PLCXD1: variants seen among roughly 807,000 people sequenced by gnomAD.
PLCXD1 encodes the protein phosphatidylinositol specific phospholipase C X domain containing 1.
Under a neutral mutation model 37.8 loss-of-function variants are expected in PLCXD1, and 45 were observed. That is an observed-to-expected ratio of 1.19 (90% CI 0.94 to 1.53). PLCXD1 has a LOEUF of 1.53. PLCXD1 is among the 40% of genes most tolerant of loss of function. PLCXD1 has a pLI of 0.00. For missense variants in PLCXD1, 539 were observed against 454.7 expected (o/e 1.19, Z -1.69); for synonymous variants, 246 against 206.9 (o/e 1.19, Z -1.62).
intron 3 of PLCXD1, 109 bp from the exon 4 acceptor site, chrX:290,539 G>A (rs112682085): frequency 0.14 from 169,630 of 1,175,052 alleles, 13,973 homozygotes; most frequent in African/African-American, 0.28. Flanking sequence ...CGACATCCAC[G>A]TCCCAGTGGG....
chrX:294,737 G>A (rs2069750500), intron 6 of PLCXD1, among the ~76,000 whole-genome samples: 1 of 152,102 alleles, frequency 6.6e-6, no homozygotes, highest in South Asian at 2.1e-4. Flanking sequence ...CAGGAAGGCG[G>A]AGGTTGCAGT....
chrX:285,947 A>G (rs905119951), intron 2 of PLCXD1, among the ~76,000 whole-genome samples: 1 of 152,122 alleles, frequency 6.6e-6, no homozygotes, highest in Admixed American at 6.6e-5. Context: ...AGAGGGGGTG[A>G]TGATGAAAGC....
chrX:289,131 G>A (rs1190570497), intron 3 of PLCXD1, among the ~76,000 whole-genome samples: 1 of 152,008 alleles, frequency 6.6e-6, no homozygotes, highest in Non-Finnish European at 1.5e-5. Context: ...CTTCTTACCC[G>A]GGCTGGAGTG....
At chrX:283,863 CCT>C (rs915381473) in intron 1 of PLCXD1, 147 of 200,284 alleles carry the variant, frequency 7.3e-4, no homozygotes, top group South Asian at 3.8e-4. Context: ...GACCCCTTTT[CCT>C]CTCTCTCTCT....
chrX:286,891 C>G, intron 2 of PLCXD1, among the ~76,000 whole-genome samples: 1 of 151,922 alleles, frequency 6.6e-6, no homozygotes, highest in African/African-American at 2.4e-5. Flanking sequence ...AAGTACTGGT[C>G]TCCTTCCTTA....
chrX:295,042 C>T (rs1009656643), intron 6 of PLCXD1, among the ~76,000 whole-genome samples: 2 of 151,620 alleles, frequency 1.3e-5, no homozygotes, highest in African/African-American at 4.8e-5. Context: ...TGGTTGTGTG[C>T]ACCTGTAATC....
At chrX:283,577 CGGG>C (rs2069346212) in intron 1 of PLCXD1, 1 of 109,658 alleles carries the variant, frequency 9.1e-6, no homozygotes, top group East Asian at 2.6e-4. Flanking sequence ...GTGTCAGGCC[CGGG>C]TGGGGGCGGC....
At position 286,298 on chromosome X, in the gene PLCXD1, C is replaced by G. The variant is rs1279979136; in HGVS notation, c.127+1984C>G. Among the ~76,000 whole-genome samples, 5 of 152,090 alleles carry G rather than the reference C, an allele frequency of 3.3e-5. No homozygotes were observed. In the East Asian group the frequency reaches 9.6e-4, roughly 29 times the overall value. ...CAAGCTGGTCTCGAACTCCCGACCT[C>G]AGGCAATCCACCTGCCTCGGCCTCC... On this transcript the variant is annotated intron_variant, in intron 2 of 6. Coordinates refer to ENST00000381657, the MANE Select transcript of PLCXD1 (RefSeq NM_018390.4).
intron 6 of PLCXD1, among the ~76,000 whole-genome samples, chrX:293,476 G>A (rs959264166): frequency 2.0e-5 from 3 of 152,060 alleles, no homozygotes; most frequent in Non-Finnish European, 2.9e-5. Flanking sequence ...ATAAAACTTA[G>A]CGGCCGGGCG....
upstream of PLCXD1, among the ~76,000 whole-genome samples, chrX:276,662 C>A (rs757545700): frequency 5.2e-4 from 79 of 152,250 alleles, no homozygotes; most frequent in African/African-American, 1.9e-3. Context: ...AGCCGCGGAG[C>A]CAGTGTGGAA....
At chrX:297,427 G>A (rs1242545041) in intron 6 of PLCXD1, among the ~76,000 whole-genome samples, 1 of 85,932 alleles carries the variant, frequency 1.2e-5, no homozygotes, top group Non-Finnish European at 2.1e-5. Context: ...TCTCCCACAT[G>A]GGGATTAGGA....
upstream of PLCXD1, among the ~76,000 whole-genome samples, chrX:279,825 G>T (rs754305245): frequency 1.3e-5 from 2 of 151,992 alleles, no homozygotes; most frequent in South Asian, 4.1e-4. Context: ...AGGAATATCT[G>T]CATTAAGATA....
intron 2 of PLCXD1, among the ~76,000 whole-genome samples, chrX:287,081 T>A (rs149044558): frequency 0.029 from 4,470 of 151,996 alleles, 134 homozygotes; most frequent in Non-Finnish European, 0.037. Flanking sequence ...CCCAGCACTT[T>A]GGGAAGCCAA....
At chrX:291,709 C>T (rs2069642687) in intron 5 of PLCXD1, 55 bp downstream of exon 5, 4 of 1,575,802 alleles carry the variant, frequency 2.5e-6, no homozygotes, top group South Asian at 1.1e-5. Flanking sequence ...CATCGTCAGC[C>T]TCAGACTCCA....
At chrX:296,225 A>G (rs1411055406) in intron 6 of PLCXD1, among the ~76,000 whole-genome samples, 2 of 151,866 alleles carry the variant, frequency 1.3e-5, no homozygotes, top group Non-Finnish European at 2.9e-5. Context: ...GATTCAAGTG[A>G]TTCTCCTGCC....
At chrX:288,712 G>A (rs765427410) in intron 2 of PLCXD1, 21 bp from the exon 3 acceptor site, 17 of 1,613,378 alleles carry the variant, frequency 1.1e-5, no homozygotes, top group African/African-American at 2.7e-5. Flanking sequence ...TGACATGTCC[G>A]CGTGTGTGCT....
rs764322093 is a variant in PLCXD1, at chrX:295,125, C to T, written c.733+1907C>T. Reference sequence around the variant, plus strand: ...CGGAGGCTGCCGTGAGCCGAAATCGCGCCACAGCACTCCAGCCTGGGCAAC... The same window carrying T: ...CGGAGGCTGCCGTGAGCCGAAATCGTGCCACAGCACTCCAGCCTGGGCAAC... On this transcript the variant is annotated intron_variant, in intron 6 of 6. Coordinates refer to ENST00000381657, the MANE Select transcript of PLCXD1 (RefSeq NM_018390.4). 3.0e-3 allele frequency among the ~76,000 whole-genome samples: 432 copies of T among 142,734 alleles called. 1 individual carries two copies. Among genetic ancestry groups the T allele is most frequent in the Non-Finnish European group, 5.4e-3 (351 of 65,164 alleles). 93.6% of individuals were successfully genotyped at this position (142,734 alleles called of 152,430 possible).
At position 300,306 on chromosome X, in the gene PLCXD1, A is replaced by C. The variant is rs761507365; in HGVS notation, c.*971A>C. The C allele has an allele frequency of 6.6e-6, 1 of 152,254 alleles. No homozygotes were observed. Among genetic ancestry groups the C allele is most frequent in the Admixed American group, 6.5e-5 (1 of 15,270 alleles). 9.4% of individuals were successfully genotyped at this position (152,254 alleles called of 1,614,324 possible). A position where few individuals can be genotyped will look rare whatever the true frequency, so the allele number is the denominator to read the frequency against. ...TACTAAACACAGTGACAGCCCACTT[A>C]GGAGCCGGCCTCCCCTGTCAGCCAA... On this transcript the variant is annotated 3_prime_UTR_variant, in exon 7 of 7. Coordinates refer to ENST00000381657, the MANE Select transcript of PLCXD1 (RefSeq NM_018390.4).
intron 6 of PLCXD1, among the ~76,000 whole-genome samples, chrX:295,230 G>C (rs1368015105): frequency 6.6e-6 from 1 of 151,970 alleles, no homozygotes; most frequent in Non-Finnish European, 1.5e-5. Context: ...TTGTAAAAAA[G>C]CCACCGACGG....
Sources: gnomAD v4.1 joint callset for allele counts (sites outside exome capture counted in the v4.1 genomes callset) on GRCh38, gnomAD v4.1.1 for gene constraint, MANE v1.5 for transcripts, NCBI Gene and HGNC (gene_info 2026-07-23, HGNC 2026-07-21) for gene names.